FKBP10: variants seen among roughly 807,000 people sequenced by gnomAD.
The protein encoded by FKBP10 is peptidyl-prolyl cis-trans isomerase FKBP10.
Under a neutral mutation model 53.7 loss-of-function variants are expected in FKBP10, and 34 were observed. That is an observed-to-expected ratio of 0.63 (90% CI 0.48 to 0.84). The LOEUF is 0.84. Ranked by LOEUF, FKBP10 falls within the 40% of genes least tolerant of loss-of-function variation. The pLI is 0.00. For missense variants in FKBP10, 748 were observed against 797.8 expected, an observed-to-expected ratio of 0.94 and a Z score of 0.75; for synonymous variants, 324 against 335.7, an observed-to-expected ratio of 0.97 and a Z score of 0.38.
At chr17:41,815,799 A>C (rs1216988013) in intron 1 of FKBP10, among the ~76,000 whole-genome samples, 2 of 151,452 alleles carry the variant, frequency 1.3e-5, no homozygotes, top group Non-Finnish European at 2.9e-5. Flanking sequence ...AAAAAAAAAA[A>C]ATCTCCCATC....
At chr17:41,814,936 C>T (rs1394539585) in intron 1 of FKBP10, among the ~76,000 whole-genome samples, 1 of 151,976 alleles carries the variant, frequency 6.6e-6, no homozygotes, top group African/African-American at 2.4e-5. Context: ...TTTTGAGACA[C>T]AGTCTCACAC....
chr17:41,813,231 G>C lies in FKBP10; in HGVS notation c.197G>C (p.Arg66Pro). The C allele has an allele frequency of 6.2e-7, 1 of 1,613,758 alleles. No homozygotes were observed. Residue 66 changes from arginine (R) to proline (P), a missense_variant, in exon 1 of 10, where the codon CGC becomes CCC. Transcript: ENST00000321562. ...PREVQMGDFV[R>P]YHYNGTFEDG... is the part of the protein sequence containing the mutation. Reference sequence around the variant, plus strand: ...GAAGTGCAGATGGGGGATTTTGTGCGCTACCACTACAACGGCACTTTTGAA... The same window carrying C: ...GAAGTGCAGATGGGGGATTTTGTGCCCTACCACTACAACGGCACTTTTGAA...
At chr17:41,820,563 G>C in intron 7 of FKBP10, 102 bp downstream of exon 7, 1 of 1,223,580 alleles carries the variant, frequency 8.2e-7, no homozygotes, top group Non-Finnish European at 1.2e-6. Context: ...CTTGGTCCTC[G>C]AGCGCCAGGG....
intron 7 of FKBP10, chr17:41,820,662 G>A: frequency 1.5e-6 from 1 of 678,758 alleles, no homozygotes; most frequent in East Asian, 2.7e-5. Context: ...GGGAAGGGAA[G>A]GTGAAGCCAA....
chr17:41,821,862 G>C, intron 9 of FKBP10, 45 bp downstream of exon 9: 1 of 1,611,566 alleles, frequency 6.2e-7, no homozygotes, highest in Non-Finnish European at 8.5e-7. Flanking sequence ...CGCAATCCCC[G>C]CACCCAGGAA....
rs114199361 is a variant in FKBP10, at chr17:41,821,650, C to G, written c.1400-4C>G. The G allele has an allele frequency of 2.6e-3, 4,223 of 1,613,764 alleles. 86 individuals carry two copies. The African/African-American group carries it at 0.051, about 19-fold the overall frequency. ...CCCTCCCTTCTCTCCTGCCCTCCCT[C>G]CAGCCCGGGGAGTCCCAGGCAGTGC... is the stretch of plus-strand genomic sequence containing the variant. On this transcript the variant is annotated splice_region_variant and splice_polypyrimidine_tract_variant and intron_variant, in intron 8 of 9. Transcript: ENST00000321562.
chr17:41,822,529 A>G lies in FKBP10; in HGVS notation c.*121A>G. The G allele has an allele frequency of 8.9e-7, 1 of 1,121,386 alleles. No homozygotes were observed. Among genetic ancestry groups the G allele is most frequent in the Non-Finnish European group, 1.3e-6 (1 of 767,594 alleles). 69.5% of individuals were successfully genotyped at this position (1,121,386 alleles called of 1,614,324 possible). A position where few individuals can be genotyped will look rare whatever the true frequency, so the allele number is the denominator to read the frequency against. On this transcript the variant is annotated 3_prime_UTR_variant, in exon 10 of 10. Transcript: ENST00000321562. ...CTGGGATGAGGTCCAGGAGCCAACT[A>G]AAACAATGGCAGAGGAGACATCTCT...
At chr17:41,816,919 G>A in intron 1 of FKBP10, 139 bp from the exon 2 acceptor site, 3 of 1,243,540 alleles carry the variant, frequency 2.4e-6, no homozygotes, top group Non-Finnish European at 3.4e-6. Flanking sequence ...GAGGTGAGAA[G>A]TGTGTGTGCG....
At position 41,819,391 on chromosome 17, in the gene FKBP10, C is replaced by T. The variant is rs781919687; in HGVS notation, c.909C>T (p.Phe303=). The change falls in exon 5 of 10, where the codon TTC becomes TTT. Residue 303 remains phenylalanine (F), a synonymous_variant. Coordinates refer to ENST00000321562, the MANE Select transcript of FKBP10 (RefSeq NM_021939.4). The part of the protein sequence containing the change: ...YNGSLMDGTL[F]DSSYSRNHTY... ...GCTCCTTGATGGACGGCACCCTCTTCGATTCCAGGTCAGGAGGGTCTTGAG... is the reference window on the plus strand; with the variant it reads ...GCTCCTTGATGGACGGCACCCTCTTTGATTCCAGGTCAGGAGGGTCTTGAG... 7.4e-6 allele frequency: 12 copies of T among 1,612,868 alleles called. No homozygotes were observed. The highest frequency in any genetic ancestry group is 6.6e-5 in the South Asian group (6 of 90,996).
intron 7 of FKBP10, 166 bp downstream of exon 7, chr17:41,820,627 G>A (rs1412797695): frequency 6.6e-6 from 5 of 754,716 alleles, no homozygotes; most frequent in Non-Finnish European, 8.7e-6. Context: ...AGCATGTCGA[G>A]GAGATGAAAT....
chr17:41,813,318 C>T (rs1555615718), intron 1 of FKBP10, 39 bp downstream of exon 1: 3 of 1,612,542 alleles, frequency 1.9e-6, no homozygotes, highest in Admixed American at 1.7e-5. Context: ...ACCACTCCGT[C>T]CCCTGAACCC....
rs144237565 is a variant in FKBP10 at position 41,822,272 on chromosome 17, T to C, written c.1613T>C (p.Met538Thr). The change falls in exon 10 of 10, where the codon ATG becomes ACG. Residue 538 changes from methionine to threonine, a missense_variant. Coordinates refer to ENST00000321562, the MANE Select transcript of FKBP10 (RefSeq NM_021939.4). ...GTGAGTGAGGGCAAAGGACGCCTCA[T>C]GCCTGGGCAGGACCCTGAGAAAACC... is the stretch of plus-strand genomic sequence containing the variant. ...AQVSEGKGRL[M>T]PGQDPEKTIG... 5.4e-5 allele frequency: 87 copies of C among 1,613,904 alleles called. No individual in the cohort carries two copies. The highest frequency in any genetic ancestry group is 7.2e-5 in the Non-Finnish European group (85 of 1,179,930).
rs942623559 is a variant in FKBP10 at position 41,818,880 on chromosome 17, C to T, written c.728-330C>T. 5 of 399,194 alleles carry T rather than the reference C, an allele frequency of 1.3e-5. No homozygotes were observed. In the East Asian group the frequency reaches 2.2e-4, roughly 18 times the overall value. 24.7% of individuals were successfully genotyped at this position (399,194 alleles called of 1,614,324 possible). On this transcript the variant is annotated intron_variant, in intron 4 of 9. Transcript: ENST00000321562. ...CTGAGGCAGGAAAATGACGTGAACC[C>T]GGGAGGCGGAGCTTGCAGTGAGCCG... is the stretch of plus-strand genomic sequence containing the variant.
intron 6 of FKBP10, chr17:41,819,942 C>A: frequency 6.5e-7 from 1 of 1,534,262 alleles, no homozygotes; most frequent in East Asian, 2.5e-5. Context: ...AAAAACAGAA[C>A]CAGCATACCC....
chr17:41,820,897 G>A (rs372440273), intron 7 of FKBP10, 50 bp from the exon 8 acceptor site: 35 of 1,595,954 alleles, frequency 2.2e-5, no homozygotes, highest in African/African-American at 6.7e-5. Flanking sequence ...AGGGGTGTGC[G>A]CTGGCAGGGG....
Position 41,822,343 on chromosome 17 carries a change from A to C in FKBP10, c.1684A>C (p.Ile562Leu). Reference sequence around the variant, plus strand: ...CCAGGACCGCAACCAGGACGGCAAGATCACAGTCGACGAGCTCAAGCTGAA... The same window carrying C: ...CCAGGACCGCAACCAGGACGGCAAGCTCACAGTCGACGAGCTCAAGCTGAA... ...QNQDRNQDGK[I>L]TVDELKLKSD... Residue 562 changes from isoleucine to leucine, a missense_variant, in exon 10 of 10, where the codon ATC becomes CTC. Coordinates refer to ENST00000321562, the MANE Select transcript of FKBP10 (RefSeq NM_021939.4). The C allele has an allele frequency of 6.2e-7, 1 of 1,613,552 alleles. No individual in the cohort carries two copies. The highest frequency in any genetic ancestry group is 8.5e-7 in the Non-Finnish European group (1 of 1,179,790).
chr17:41,820,813 T>G, intron 7 of FKBP10, 134 bp from the exon 8 acceptor site: 1 of 1,282,164 alleles, frequency 7.8e-7, no homozygotes, highest in Non-Finnish European at 1.1e-6. Context: ...CCCTGCACTC[T>G]GCTGCGTGGC....
chr17:41,819,473 C>G (rs983073220), intron 5 of FKBP10, 57 bp from the exon 6 acceptor site: 3 of 1,613,772 alleles, frequency 1.9e-6, no homozygotes, highest in African/African-American at 2.7e-5. Flanking sequence ...CTCTGAGCTG[C>G]CTGGAAGGGG....
chr17:41,818,616 C>T (rs782091966), intron 4 of FKBP10, 89 bp downstream of exon 4: 24 of 1,528,932 alleles, frequency 1.6e-5, no homozygotes, highest in South Asian at 2.3e-5. Flanking sequence ...GTATACTGCA[C>T]GAGGGCATCC....
Sources: allele counts gnomAD v4.1 joint callset (sites outside exome capture counted in the v4.1 genomes callset), GRCh38; gene constraint gnomAD v4.1.1; transcripts MANE v1.5; gene names NCBI Gene and HGNC (gene_info 2026-07-23, HGNC 2026-07-21).